DHRSX: variants seen among roughly 807,000 people sequenced by gnomAD.
DHRSX encodes polyprenol dehydrogenase.
In DHRSX, 31 loss-of-function variants were observed where a neutral mutation model predicts 34.0. The observed-to-expected ratio is 0.91, with a 90% CI of 0.69 to 1.23. The LOEUF (loss-of-function observed/expected upper bound fraction) is 1.23, where lower values mean the gene tolerates loss of function less well. Among genes scored for constraint, DHRSX ranks in the 50% most tolerant of loss-of-function variants. The pLI, the probability that DHRSX is intolerant of heterozygous loss-of-function variation, is 0.00. For synonymous variants in DHRSX, 201 were observed against 183.8 expected (o/e 1.09, Z -0.76); for missense variants, 414 against 428.1 (o/e 0.97, Z 0.29).
intron 3 of DHRSX, among the ~76,000 whole-genome samples, chrX:2,372,509 C>T (rs1400687272): frequency 1.3e-5 from 2 of 152,088 alleles, no homozygotes; most frequent in Non-Finnish European, 2.9e-5. Flanking sequence ...CCAACAAGGG[C>T]AAACGTAAGC....
chrX:2,301,693 C>A (rs188336096), intron 3 of DHRSX, among the ~76,000 whole-genome samples: 3 of 151,684 alleles, frequency 2.0e-5, no homozygotes, highest in African/African-American at 7.3e-5. Flanking sequence ...GGCTGAAGTG[C>A]GGTGGTGCGA....
intron 1 of DHRSX, among the ~76,000 whole-genome samples, chrX:2,458,040 TACACACTAAAG>T (rs1458457176): frequency 1.3e-5 from 2 of 152,066 alleles, no homozygotes; most frequent in Non-Finnish European, 2.9e-5. Context: ...TGCCGCCATG[TACACACTAAAG>T]ACATTCCCGA....
chrX:2,479,584 C>T (rs192485141), intron 1 of DHRSX, among the ~76,000 whole-genome samples: 16 of 142,622 alleles, frequency 1.1e-4, no homozygotes, highest in Admixed American at 7.8e-4. Context: ...GGCCAAGGGA[C>T]GGCACTTAAG....
intron 6 of DHRSX, among the ~76,000 whole-genome samples, chrX:2,230,130 AGCATGTGTGCACATACTAT>A (rs1341597622): frequency 1.3e-5 from 2 of 152,024 alleles, no homozygotes; most frequent in Non-Finnish European, 2.9e-5. Context: ...TATGCACGTG[AGCATGTGTGCACATACTAT>A]GCATGTGTGG....
intron 3 of DHRSX, among the ~76,000 whole-genome samples, chrX:2,297,230 C>G (rs189742109): frequency 7.2e-5 from 11 of 152,376 alleles, no homozygotes; most frequent in African/African-American, 2.6e-4. Flanking sequence ...TCAAGCGATT[C>G]TCCCTCCTTA....
At chrX:2,255,614 T>C (rs913130806) in intron 5 of DHRSX, among the ~76,000 whole-genome samples, 72 of 151,828 alleles carry the variant, frequency 4.7e-4, no homozygotes, top group Non-Finnish European at 8.8e-4. Context: ...CTTAAATAGG[T>C]AGAGAATCTA....
rs1260153175 is a variant in DHRSX at position 2,355,989 on chromosome X, C to G, written c.286+52756G>C. Among the ~76,000 whole-genome samples, 4 of 151,502 alleles carry G rather than the reference C, an allele frequency of 2.6e-5. No homozygotes were observed. The East Asian group carries it at 7.7e-4, about 29-fold the overall frequency. On this transcript the variant is annotated intron_variant, in intron 3 of 6. Transcript: ENST00000334651. ...GCTAAGGCAGGAGAATCACTTGAAC[C>G]CAGGAGGTGGAGTTTGCAGTGAGCC...
At chrX:2,330,680 AG>A (rs2042459299) in intron 3 of DHRSX, among the ~76,000 whole-genome samples, 1 of 130,310 alleles carries the variant, frequency 7.7e-6, no homozygotes, top group African/African-American at 3.3e-5. Flanking sequence ...GAGAAGGAGG[AG>A]GAGAAGTAGG....
chrX:2,394,871 A>G lies in DHRSX; in HGVS notation c.286+13874T>C, dbSNP rs2043390204. On this transcript the variant is annotated intron_variant, in intron 3 of 6. Transcript: ENST00000334651. ...ACACAGTGAGACTCCGTCTCATGAA[A>G]AAAAAAAAAAAGAGTTGGAGTTGGA... 5.3e-5 allele frequency among the ~76,000 whole-genome samples: 8 copies of G among 151,682 alleles called. No individual in the cohort carries two copies. The South Asian group carries it at 1.7e-3, about 31-fold the overall frequency.
At chrX:2,322,534 C>T (rs975597581) in intron 3 of DHRSX, among the ~76,000 whole-genome samples, 4 of 138,132 alleles carry the variant, frequency 2.9e-5, no homozygotes, top group Admixed American at 7.6e-5. Context: ...GACTCCAGGG[C>T]AACAGAGTGA....
At chrX:2,236,306 G>A (rs1055577474) in intron 6 of DHRSX, among the ~76,000 whole-genome samples, 6 of 152,118 alleles carry the variant, frequency 3.9e-5, no homozygotes, top group Non-Finnish European at 5.9e-5. Flanking sequence ...CCTGAATGAA[G>A]GGAAGGAGAG....
chrX:2,453,741 A>G (rs1318636059), intron 1 of DHRSX, among the ~76,000 whole-genome samples: 1 of 149,650 alleles, frequency 6.7e-6, no homozygotes, highest in Non-Finnish European at 1.5e-5. Flanking sequence ...GATCTATCAC[A>G]CCACAGTGAT....
chrX:2,342,992 C>T (rs1196544381), intron 3 of DHRSX, among the ~76,000 whole-genome samples: 2 of 152,100 alleles, frequency 1.3e-5, no homozygotes, highest in African/African-American at 4.8e-5. Context: ...TCTAGGCTCC[C>T]CTTGATTAAA....
At chrX:2,455,243 A>C (rs2044280259) in intron 1 of DHRSX, among the ~76,000 whole-genome samples, 2 of 151,924 alleles carry the variant, frequency 1.3e-5, no homozygotes, top group Admixed American at 1.3e-4. Context: ...GTAGGTAAGC[A>C]TTGGGTACCC....
At chrX:2,453,218 A>C (rs1037841705) in intron 1 of DHRSX, among the ~76,000 whole-genome samples, 2 of 152,142 alleles carry the variant, frequency 1.3e-5, no homozygotes, top group African/African-American at 2.4e-5. Context: ...AGAATGCTGA[A>C]GTGTTTGTCA....
At chrX:2,480,663 T>TAA (rs938614169) in intron 1 of DHRSX, among the ~76,000 whole-genome samples, 15 of 151,626 alleles carry the variant, frequency 9.9e-5, no homozygotes, top group African/African-American at 3.6e-4. Flanking sequence ...GCAAAAAACT[T>TAA]AAAAAATTAA....
chrX:2,273,986 T>C (rs1374259866), intron 4 of DHRSX, among the ~76,000 whole-genome samples: 4 of 152,190 alleles, frequency 2.6e-5, no homozygotes, highest in African/African-American at 9.6e-5. Flanking sequence ...TGGATGCTGA[T>C]AATTCATCGT....
chrX:2,365,022 A>G (rs1292744977), intron 3 of DHRSX, among the ~76,000 whole-genome samples: 6 of 152,138 alleles, frequency 3.9e-5, no homozygotes, highest in African/African-American at 7.2e-5. Flanking sequence ...ATATCTATCT[A>G]TCTATCTATC....
At chrX:2,316,026 T>A (rs1001247310) in intron 3 of DHRSX, among the ~76,000 whole-genome samples, 1 of 152,088 alleles carries the variant, frequency 6.6e-6, no homozygotes, top group African/African-American at 2.4e-5. Flanking sequence ...CACACCCAGC[T>A]AATTTTTGTC....
Sources: allele counts gnomAD v4.1 joint callset (sites outside exome capture counted in the v4.1 genomes callset), GRCh38; gene constraint gnomAD v4.1.1; transcripts MANE v1.5; gene names NCBI Gene and HGNC (gene_info 2026-07-23, HGNC 2026-07-21).